Variants in SMIM36 observed in about 807,000 individuals in gnomAD.
The protein encoded by SMIM36 is small integral membrane protein 36.
In SMIM36 at chr17:55,472,481, T is replaced by A. The variant is rs147852252; in HGVS notation, c.*348-5153A>T. The stretch of plus-strand genomic sequence containing the variant: ...GGCTCTTCCAGTATCAATGCCTTCC[T>A]AATAAGGGCCCTCCTTAAGGCTGCT... On this transcript the variant is annotated intron_variant, in intron 3 of 4. Coordinates refer to ENST00000636752, the Ensembl canonical transcript of SMIM36. 5.3e-5 allele frequency among the ~76,000 whole-genome samples: 8 copies of A among 152,344 alleles called. No homozygotes were observed. The East Asian group carries it at 1.5e-3, about 29-fold the overall frequency.
chr17:55,459,676 G>T (rs1235000379), intron 4 of SMIM36, among the ~76,000 whole-genome samples: 1 of 152,168 alleles, frequency 6.6e-6, no homozygotes, highest in South Asian at 2.1e-4. Flanking sequence ...CTACCCCAAA[G>T]GTTTAGCAAC....
At chr17:55,528,053 T>G in the SMIM36 span, 1 of 152,224 alleles carries the variant, frequency 6.6e-6, no homozygotes, top group Non-Finnish European at 1.5e-5. Context: ...ACCCTTCACT[T>G]TTCAGCCTTC....
the SMIM36 span, among the ~76,000 whole-genome samples, chr17:55,521,435 G>T: frequency 6.6e-6 from 1 of 152,122 alleles, no homozygotes; most frequent in Non-Finnish European, 1.5e-5. Flanking sequence ...GGTTAGAAAT[G>T]TTTCACACCC....
chr17:55,464,995 T>G (rs915299017), intron 4 of SMIM36, among the ~76,000 whole-genome samples: 1 of 152,224 alleles, frequency 6.6e-6, no homozygotes, highest in Non-Finnish European at 1.5e-5. Context: ...TGAAGCATTT[T>G]AATTGATATC....
At chr17:55,478,476 C>T (rs564009508) in intron 3 of SMIM36, among the ~76,000 whole-genome samples, 7 of 152,122 alleles carry the variant, frequency 4.6e-5, no homozygotes, top group East Asian at 1.9e-4. Flanking sequence ...GTGATCTGCC[C>T]GCCTTGACTT....
intron 1 of SMIM36, among the ~76,000 whole-genome samples, chr17:55,495,751 A>G (rs1598455608): frequency 6.6e-6 from 1 of 152,048 alleles, no homozygotes; most frequent in Non-Finnish European, 1.5e-5. Flanking sequence ...TTATGATTGT[A>G]CCACTGCTTT....
At chr17:55,474,836 G>A (rs1348464871) in intron 3 of SMIM36, among the ~76,000 whole-genome samples, 2 of 152,114 alleles carry the variant, frequency 1.3e-5, no homozygotes, top group South Asian at 2.1e-4. Context: ...GAAAAATTTC[G>A]AAAAGGGATT....
At chr17:55,531,413 T>A in the SMIM36 span, among the ~76,000 whole-genome samples, 1 of 152,208 alleles carries the variant, frequency 6.6e-6, no homozygotes, top group Non-Finnish European at 1.5e-5. Context: ...TGGCCTGGTG[T>A]ATATACCGGC....
At chr17:55,464,561 A>G (rs1002922841) in intron 4 of SMIM36, among the ~76,000 whole-genome samples, 9 of 152,250 alleles carry the variant, frequency 5.9e-5, no homozygotes, top group African/African-American at 2.2e-4. Context: ...TACATAAGGT[A>G]TAACTCAGTA....
upstream of SMIM36, among the ~76,000 whole-genome samples, chr17:55,515,380 G>T (rs141287018): frequency 1.3e-5 from 2 of 152,206 alleles, no homozygotes; most frequent in African/African-American, 4.8e-5. Context: ...GCCATATTTT[G>T]TCGCAACTTA....
At chr17:55,485,122 A>G (rs1909581897) in intron 1 of SMIM36, among the ~76,000 whole-genome samples, 1 of 152,112 alleles carries the variant, frequency 6.6e-6, no homozygotes, top group Non-Finnish European at 1.5e-5. Context: ...GATATATATG[A>G]TTTTCTTTAA....
chr17:55,452,091 C>T (rs1203899113), intron 4 of SMIM36, among the ~76,000 whole-genome samples: 2 of 110,012 alleles, frequency 1.8e-5, no homozygotes, highest in African/African-American at 7.3e-5. Context: ...CAGCATAAGA[C>T]TCAATCTCTA....
At chr17:55,531,213 C>T in the SMIM36 span, among the ~76,000 whole-genome samples, 1 of 152,186 alleles carries the variant, frequency 6.6e-6, no homozygotes, top group Admixed American at 6.5e-5. Context: ...CCCTTTTCTT[C>T]CGCTGACCTC....
chr17:55,453,779 A>T (rs1229133558), intron 4 of SMIM36, among the ~76,000 whole-genome samples: 3 of 152,228 alleles, frequency 2.0e-5, no homozygotes, highest in Non-Finnish European at 2.9e-5. Flanking sequence ...CCAGGTTTTA[A>T]CAGTAAAATA....
intron 4 of SMIM36, among the ~76,000 whole-genome samples, chr17:55,457,871 T>G (rs944302602): frequency 2.6e-5 from 4 of 152,164 alleles, no homozygotes; most frequent in Non-Finnish European, 5.9e-5. Flanking sequence ...TGTAGAGATC[T>G]TTATCTGGCT....
At chr17:55,509,245 C>T (rs964934969) in intron 1 of SMIM36, among the ~76,000 whole-genome samples, 23 of 152,130 alleles carry the variant, frequency 1.5e-4, no homozygotes, top group Admixed American at 3.3e-4. Flanking sequence ...GAATTTCTCA[C>T]GTTTTCTTCA....
intron 1 of SMIM36, among the ~76,000 whole-genome samples, chr17:55,485,242 A>C (rs1209897231): frequency 6.6e-6 from 1 of 152,120 alleles, no homozygotes; most frequent in Non-Finnish European, 1.5e-5. Context: ...GTATATCTGA[A>C]AATATTCATA....
At chr17:55,467,995 C>T (rs964669594) in intron 3 of SMIM36, 1 of 152,190 alleles carries the variant, frequency 6.6e-6, no homozygotes, top group African/African-American at 2.4e-5. Flanking sequence ...GACCCCCGCC[C>T]CTGCCCACAA....
At chr17:55,526,449 T>G in the SMIM36 span, among the ~76,000 whole-genome samples, 52,241 of 151,902 alleles carry the variant, frequency 0.34, 9,152 homozygotes, top group East Asian at 0.51. Context: ...GTGAGCCACC[T>G]CGCCCGGCCG....
Sources: gnomAD v4.1 joint callset for allele counts (sites outside exome capture counted in the v4.1 genomes callset) on GRCh38, gnomAD v4.1.1 for gene constraint, MANE v1.5 for transcripts, NCBI Gene and HGNC (gene_info 2026-07-23, HGNC 2026-07-21) for gene names.